PPIP5K2: variants seen among roughly 807,000 people sequenced by gnomAD.
PPIP5K2 encodes the protein diphosphoinositol pentakisphosphate kinase 2, also known as inositol hexakisphosphate and diphosphoinositol-pentakisphosphate kinase 2.
PPIP5K2 carries 105 observed loss-of-function variants against 154.6 expected under a neutral mutation model. The ratio of observed to expected loss-of-function variants is 0.68; its 90% CI spans 0.58 to 0.80. The LOEUF (loss-of-function observed/expected upper bound fraction) is 0.80. Among genes scored for constraint, PPIP5K2 ranks in the 30% least tolerant of loss-of-function variants. The probability of loss-of-function intolerance (pLI) is 0.00; values close to 1 mark genes in which losing one functional copy is unlikely to be tolerated. For synonymous variants in PPIP5K2, 480 were observed against 490.3 expected (o/e 0.98, Z 0.28); for missense variants, 992 against 1,504.6 (o/e 0.66, Z 5.64).
At chr5:103,123,274 T>C (rs1789087458) in intron 1 of PPIP5K2, among the ~76,000 whole-genome samples, 1 of 152,172 alleles carries the variant, frequency 6.6e-6, no homozygotes. Context: ...ACTAGAGAGG[T>C]TCAATAACTT....
chr5:103,138,569 A>G, intron 5 of PPIP5K2, 100 bp downstream of exon 5: 1 of 684,376 alleles, frequency 1.5e-6, no homozygotes, highest in Middle Eastern at 2.9e-4. Context: ...AAGAATTCAT[A>G]GTATTCTATT....
rs530635230 is a variant in PPIP5K2 at position 103,157,652 on chromosome 5, A to C, written c.1490-536A>C. ...AATTAGCCAGGCGCCTGTAGAGCCA[A>C]GATCGTGCCATTGCACTCCAGCCAG... is the stretch of plus-strand genomic sequence containing the variant. On this transcript the variant is annotated intron_variant, in intron 14 of 30. Transcript: ENST00000358359. 1.1e-3 allele frequency among the ~76,000 whole-genome samples: 167 copies of C among 152,026 alleles called. 3 individuals carry two copies. The highest frequency in any genetic ancestry group is 4.0e-3 in the African/African-American group (165 of 41,524).
At chr5:103,157,883 A>G (rs1795665102) in intron 14 of PPIP5K2, among the ~76,000 whole-genome samples, 1 of 152,204 alleles carries the variant, frequency 6.6e-6, no homozygotes, top group Admixed American at 6.5e-5. Flanking sequence ...AAAAATTACT[A>G]TGAGAGCAGG....
At chr5:103,160,706 G>A (rs1347180927) in intron 17 of PPIP5K2, among the ~76,000 whole-genome samples, 3 of 152,110 alleles carry the variant, frequency 2.0e-5, no homozygotes, top group Admixed American at 6.6e-5. Flanking sequence ...TTGACCTGCA[G>A]GCTATAGTTT....
At chr5:103,142,103 G>A (rs1792824182) in intron 5 of PPIP5K2, among the ~76,000 whole-genome samples, 1 of 152,214 alleles carries the variant, frequency 6.6e-6, no homozygotes, top group East Asian at 1.9e-4. Context: ...CGTTGGGGAG[G>A]CTCGGGCCGC....
intron 14 of PPIP5K2, among the ~76,000 whole-genome samples, chr5:103,157,604 C>A (rs1795614015): frequency 6.6e-6 from 1 of 151,952 alleles, no homozygotes; most frequent in Non-Finnish European, 1.5e-5. Flanking sequence ...ATGGTGAAAC[C>A]CCGTCTCTAC....
chr5:103,200,481 G>A (rs1195505637), intron 30 of PPIP5K2, among the ~76,000 whole-genome samples: 2 of 151,354 alleles, frequency 1.3e-5, no homozygotes, highest in Admixed American at 1.3e-4. Flanking sequence ...TCTTCAGGTA[G>A]TTCTTCCTCA....
In PPIP5K2 at chr5:103,138,549, A is replaced by T. The variant is rs1013425422; in HGVS notation, c.487+80A>T. Reference sequence around the variant, plus strand: ...CCACATTCTTACAATAATTAACTGGAAGGAATTTAAAGAATTCATAGTATT... The same window carrying T: ...CCACATTCTTACAATAATTAACTGGTAGGAATTTAAAGAATTCATAGTATT... On this transcript the variant is annotated intron_variant, in intron 5 of 30. Transcript: ENST00000358359. 5 of 810,554 alleles carry T rather than the reference A, an allele frequency of 6.2e-6. No homozygotes were observed. The Admixed American group carries it at 1.3e-4, about 21-fold the overall frequency. 50.2% of individuals were successfully genotyped at this position (810,554 alleles called of 1,614,324 possible). A position where few individuals can be genotyped will look rare whatever the true frequency, so the allele number is the denominator to read the frequency against.
At chr5:103,199,717 T>C (rs1554229655) in intron 30 of PPIP5K2, among the ~76,000 whole-genome samples, 1 of 152,176 alleles carries the variant, frequency 6.6e-6, no homozygotes, top group African/African-American at 2.4e-5. Context: ...CTTCTACTTT[T>C]CATTCTGTTG....
chr5:103,177,803 C>T, intron 22 of PPIP5K2, 29 bp downstream of exon 22: 2 of 1,588,498 alleles, frequency 1.3e-6, no homozygotes, highest in Non-Finnish European at 1.7e-6. Context: ...TTGTGTTTTA[C>T]CAGACATAAA....
intron 17 of PPIP5K2, among the ~76,000 whole-genome samples, chr5:103,166,251 T>C (rs1554217838): frequency 6.6e-6 from 1 of 152,008 alleles, no homozygotes; most frequent in Non-Finnish European, 1.5e-5. Flanking sequence ...TATTATGAGA[T>C]TGTTTTGAGA....
At chr5:103,168,338 A>C (rs1797453083) in intron 19 of PPIP5K2, 43 bp downstream of exon 19, 2 of 1,442,822 alleles carry the variant, frequency 1.4e-6, no homozygotes, top group East Asian at 4.6e-5. Context: ...TATTGAAAAA[A>C]TACTTTTAAA....
In PPIP5K2 at chr5:103,138,398, G is replaced by A. The variant is rs1472908507; in HGVS notation, c.416G>A (p.Ser139Asn). ...YLIQDRREVY[S>N]ILQAEGILLP... Reference sequence around the variant, plus strand: ...TTTTTCTTCAGGAGAGAAGTATATAGTATTCTTCAAGCTGAAGGTATTTTA... The same window carrying A: ...TTTTTCTTCAGGAGAGAAGTATATAATATTCTTCAAGCTGAAGGTATTTTA... Residue 139 changes from serine (S) to asparagine (N), a missense_variant, in exon 5 of 31, where the codon AGT becomes AAT. By Grantham distance (46) the Ser-to-Asn change is conservative (BLOSUM62 1). This residue lies in a region of PPIP5K2 where 153 missense variants were observed against 200.4 expected (regional missense o/e 0.76). Transcript: ENST00000358359. The A allele has an allele frequency of 3.8e-6, 6 of 1,587,372 alleles. No homozygotes were observed. The highest frequency in any genetic ancestry group is 5.2e-6 in the Non-Finnish European group (6 of 1,157,690).
intron 6 of PPIP5K2, among the ~76,000 whole-genome samples, chr5:103,147,413 A>G (rs1215195998): frequency 2.0e-5 from 3 of 151,966 alleles, no homozygotes; most frequent in African/African-American, 7.2e-5. Context: ...ATAGTTGATA[A>G]AGATTTTTCA....
At chr5:103,184,519 A>T (rs183428402) in intron 25 of PPIP5K2, 153 bp from the exon 26 acceptor site, 2 of 556,780 alleles carry the variant, frequency 3.6e-6, no homozygotes, top group Admixed American at 6.4e-5. Context: ...TCAAAAGGGG[A>T]TCTTGCATGA....
In PPIP5K2 at chr5:103,151,266, G is replaced by A. The variant is rs1554211249; in HGVS notation, c.920G>A (p.Gly307Asp). The A allele has an allele frequency of 6.3e-7, 1 of 1,599,462 alleles. No homozygotes were observed. The highest frequency in any genetic ancestry group is 8.5e-7 in the Non-Finnish European group (1 of 1,173,210). ...VCLAFKQTVC[G>D]FDLLRANGQS... is the part of the protein sequence containing the mutation. Reference sequence around the variant, plus strand: ...TATTTTAAATAGCAAACAGTTTGTGGCTTTGATTTGTTACGGGCCAATGGA... The same window carrying A: ...TATTTTAAATAGCAAACAGTTTGTGACTTTGATTTGTTACGGGCCAATGGA... Residue 307 changes from glycine (G) to aspartate (D), a missense_variant, in exon 9 of 31, where the codon GGC becomes GAC. Gly to Asp is a moderately conservative substitution (Grantham distance 94). This residue lies in a region of PPIP5K2 where 163 missense variants were observed against 285.2 expected (regional missense o/e 0.57). Transcript: ENST00000358359.
chr5:103,168,668 C>A (rs1200283113), intron 19 of PPIP5K2, among the ~76,000 whole-genome samples: 1 of 151,776 alleles, frequency 6.6e-6, no homozygotes, highest in Non-Finnish European at 1.5e-5. Flanking sequence ...AACTGATGAA[C>A]CTACATTGAC....
rs372615844 is a variant in PPIP5K2, at chr5:103,180,143, C to G, written c.2877C>G (p.His959Gln). 8 of 1,599,964 alleles carry G rather than the reference C, an allele frequency of 5.0e-6. No individual in the cohort carries two copies. The highest frequency in any genetic ancestry group is 6.8e-6 in the Non-Finnish European group (8 of 1,174,700). The change falls in exon 24 of 31, where the codon CAC becomes CAG. Residue 959 changes from histidine to glutamine, a missense_variant. Around this residue, in one of 9 missense-constraint regions of PPIP5K2, gnomAD observed 204 missense variants for 224.0 expected, o/e 0.91. Coordinates refer to ENST00000358359, the MANE Select transcript of PPIP5K2 (RefSeq NM_001276277.3). The part of the protein sequence containing the change: ...KPMVSEPIHI[H>Q]RKSPLPRSRK... ...TGGTATCAGAGCCAATTCATATACACAGGAAGTCTCCACTTCCAAGATCTA... is the reference window on the plus strand; with the variant it reads ...TGGTATCAGAGCCAATTCATATACAGAGGAAGTCTCCACTTCCAAGATCTA...
intron 21 of PPIP5K2, among the ~76,000 whole-genome samples, chr5:103,176,264 A>T (rs1294290235): frequency 1.3e-5 from 2 of 152,050 alleles, no homozygotes; most frequent in African/African-American, 4.8e-5. Context: ...ACTGAGTTAG[A>T]TATTAAATGG....
Sources: allele counts gnomAD v4.1 joint callset (sites outside exome capture counted in the v4.1 genomes callset), GRCh38; gene constraint gnomAD v4.1.1; regional missense constraint gnomAD v4.1.1; transcripts MANE v1.5; gene names NCBI Gene and HGNC (gene_info 2026-07-23, HGNC 2026-07-21).